The following LEO1 variants were observed in gnomAD, a reference collection of about 807,000 sequenced individuals.
LEO1 encodes the protein LEO1 component of Paf1/RNA polymerase II complex.
LEO1 carries 34 observed loss-of-function variants against 80.4 expected under a neutral mutation model. The ratio of observed to expected loss-of-function variants is 0.42; its 90% CI spans 0.32 to 0.56. The LOEUF is 0.56. LEO1 is among the 20% of genes least tolerant of loss of function. The pLI is 0.10. For missense variants in LEO1, 631 were observed against 814.2 expected, an observed-to-expected ratio of 0.77 and a Z score of 2.74; for synonymous variants, 262 against 274.9, an observed-to-expected ratio of 0.95 and a Z score of 0.46.
At chr15:51,954,242 C>A (rs116329195) in intron 7 of LEO1, among the ~76,000 whole-genome samples, 3,078 of 150,642 alleles carry the variant, frequency 0.02, 106 homozygotes, top group African/African-American at 0.07. Flanking sequence ...TTTTAATAAT[C>A]CATGCAGGGT....
chr15:51,964,066 C>T (rs1170248439), intron 2 of LEO1, among the ~76,000 whole-genome samples: 2 of 151,362 alleles, frequency 1.3e-5, no homozygotes, highest in Non-Finnish European at 2.9e-5. Context: ...ATTAGCCGGG[C>T]GTGGTGGCGG....
At chr15:51,951,000 C>T (rs2056944412) in intron 9 of LEO1, among the ~76,000 whole-genome samples, 1 of 152,218 alleles carries the variant, frequency 6.6e-6, no homozygotes, top group Non-Finnish European at 1.5e-5. Context: ...TTAGGTACTG[C>T]TATTAGATCT....
Position 51,960,675 on chromosome 15 carries a change from A to G in LEO1, c.978T>C (p.Asp326=), listed in dbSNP as rs2057022964. 2 of 1,611,292 alleles carry G rather than the reference A, an allele frequency of 1.2e-6. No homozygotes were observed. The highest frequency in any genetic ancestry group is 1.7e-6 in the Non-Finnish European group (2 of 1,177,498). ...GGADDISSGS[D]GEDKPPTPGQ... ...CTGGAGTAGGTGGTTTGTCTTCTCC[A>G]TCACTCCCTGAAGAGATATCATCTG... The change falls in exon 4 of 12, where the codon GAT becomes GAC. Residue 326 remains aspartate (D), a synonymous_variant. Transcript: ENST00000299601.
chr15:51,965,488 TA>T (rs2141778991), intron 2 of LEO1, among the ~76,000 whole-genome samples: 1 of 152,292 alleles, frequency 6.6e-6, no homozygotes, highest in Non-Finnish European at 1.5e-5. Context: ...TCCCTCCCTC[TA>T]AGACTCAATT....
rs910357582 is a variant in LEO1, at chr15:51,954,692, G to T, written c.1246-117C>A. 2.9e-5 allele frequency: 20 copies of T among 691,512 alleles called. 1 individual carries two copies. Among genetic ancestry groups the T allele is most frequent in the Non-Finnish European group, 3.8e-5 (15 of 390,378 alleles). 42.8% of individuals were successfully genotyped at this position (691,512 alleles called of 1,614,324 possible). ...GCATACAGAGGTGACAGATGTATGT[G>T]TGGCAGGAGAATGAACAACACTGAA... On this transcript the variant is annotated intron_variant, in intron 6 of 11. Transcript: ENST00000299601.
intron 2 of LEO1, 68 bp from the exon 3 acceptor site, chr15:51,962,561 A>G (rs2057039810): frequency 2.9e-6 from 3 of 1,047,118 alleles, no homozygotes; most frequent in African/African-American, 1.6e-5. Flanking sequence ...TTTAAAAGCA[A>G]TATTGGAGAT....
At chr15:51,943,022 G>GTGAGAGGA (rs2056868646) in intron 11 of LEO1, among the ~76,000 whole-genome samples, 1 of 152,006 alleles carries the variant, frequency 6.6e-6, no homozygotes, top group South Asian at 2.1e-4. Context: ...GGTGGTTGAG[G>GTGAGAGGA]TGAGAGGATC....
chr15:51,957,052 C>T (rs2056995265), intron 6 of LEO1, among the ~76,000 whole-genome samples: 3 of 152,050 alleles, frequency 2.0e-5, no homozygotes, highest in Non-Finnish European at 2.9e-5. Flanking sequence ...TGGTCTGAAA[C>T]TCCTGGCCAG....
chr15:51,945,262 C>CAAAAAAAAAAAA (rs71130110), intron 11 of LEO1, among the ~76,000 whole-genome samples: 1,409 of 80,184 alleles, frequency 0.018, 111 homozygotes, highest in Non-Finnish European at 0.019. Flanking sequence ...ACAAAAAATA[C>CAAAAAAAAAAAA]AAAAAAAAAA....
chr15:51,958,294 GAAA>G (rs11383313), intron 6 of LEO1, among the ~76,000 whole-genome samples: 11 of 140,868 alleles, frequency 7.8e-5, no homozygotes, highest in Non-Finnish European at 1.5e-5. Flanking sequence ...CATATCTACA[GAAA>G]AAAAAAAAAG....
intron 4 of LEO1, 79 bp from the exon 5 acceptor site, chr15:51,960,123 T>TG: frequency 8.6e-7 from 1 of 1,168,312 alleles, no homozygotes; most frequent in East Asian, 2.4e-5. Context: ...TTAATTACTC[T>TG]GGGGTGCAAG....
intron 1 of LEO1, among the ~76,000 whole-genome samples, chr15:51,970,410 G>A (rs951552593): frequency 1.3e-5 from 2 of 152,042 alleles, no homozygotes. Context: ...TCCGCCTGCC[G>A]GAACCAGGAA....
chr15:51,951,209 G>A (rs2056946112), intron 9 of LEO1, among the ~76,000 whole-genome samples: 1 of 152,220 alleles, frequency 6.6e-6, no homozygotes, highest in African/African-American at 2.4e-5. Flanking sequence ...ATCTAGTAGG[G>A]ATTAGAGAAG....
intron 9 of LEO1, among the ~76,000 whole-genome samples, chr15:51,950,891 G>T (rs1037337928): frequency 4.6e-5 from 7 of 152,148 alleles, no homozygotes; most frequent in African/African-American, 1.7e-4. Context: ...TGCTGAGACT[G>T]GAATCTGCAG....
chr15:51,953,790 G>C (rs991157193), intron 7 of LEO1, among the ~76,000 whole-genome samples: 1 of 151,818 alleles, frequency 6.6e-6, no homozygotes, highest in Non-Finnish European at 1.5e-5. Context: ...CCAGTGAAGG[G>C]CAATTTTTTT....
At chr15:51,945,143 G>T (rs979925175) in intron 11 of LEO1, among the ~76,000 whole-genome samples, 8 of 151,730 alleles carry the variant, frequency 5.3e-5, no homozygotes, top group African/African-American at 1.9e-4. Context: ...ACAGTCCATC[G>T]CAGTGGCTTA....
intron 11 of LEO1, among the ~76,000 whole-genome samples, chr15:51,945,812 A>G (rs1186805171): frequency 1.3e-5 from 2 of 152,182 alleles, no homozygotes; most frequent in Non-Finnish European, 1.5e-5. Context: ...AGGCAGGCAG[A>G]TCACAAGGTC....
chr15:51,942,984 G>A (rs1040830650), intron 11 of LEO1, among the ~76,000 whole-genome samples: 6 of 151,818 alleles, frequency 4.0e-5, no homozygotes, highest in Non-Finnish European at 7.4e-5. Flanking sequence ...CAGGCACAGT[G>A]GCTCACGCCT....
chr15:51,952,676 GT>G, intron 8 of LEO1, among the ~76,000 whole-genome samples: 1 of 152,176 alleles, frequency 6.6e-6, no homozygotes, highest in East Asian at 1.9e-4. Flanking sequence ...CACCTCTGCA[GT>G]GGTATTAGAT....
Sources: gnomAD v4.1 joint callset for allele counts (sites outside exome capture counted in the v4.1 genomes callset) on GRCh38, gnomAD v4.1.1 for gene constraint, MANE v1.5 for transcripts, NCBI Gene and HGNC (gene_info 2026-07-23, HGNC 2026-07-21) for gene names.